AGO3: variants seen among roughly 807,000 people sequenced by gnomAD.
AGO3 encodes argonaute RISC catalytic component 3.
In AGO3, 16 loss-of-function variants were observed where a neutral mutation model predicts 105.5. That is an observed-to-expected ratio of 0.15 (90% confidence interval 0.10 to 0.23). AGO3 has a LOEUF of 0.23. Ranked by LOEUF, AGO3 falls within the 10% of genes least tolerant of loss-of-function variation. The pLI is 1.00. For missense variants in AGO3, 534 were observed against 1,088.0 expected (o/e 0.49, Z 7.16); for synonymous variants, 340 against 367.3 (o/e 0.93, Z 0.85).
chr1:35,931,646 G>A (rs533848169), intron 1 of AGO3, among the ~76,000 whole-genome samples: 183 of 152,364 alleles, frequency 1.2e-3, no homozygotes, highest in Non-Finnish European at 2.3e-3. Context: ...CGGCGAAACT[G>A]CGAGGCGGGG....
At chr1:36,049,512 A>G (rs1295795424) in intron 17 of AGO3, among the ~76,000 whole-genome samples, 2 of 151,324 alleles carry the variant, frequency 1.3e-5, no homozygotes, top group African/African-American at 4.9e-5. Context: ...GCAAGGCTCT[A>G]TCTCAAAAAA....
At chr1:35,959,596 G>A (rs943155751) in intron 2 of AGO3, among the ~76,000 whole-genome samples, 3 of 151,832 alleles carry the variant, frequency 2.0e-5, no homozygotes, top group Admixed American at 6.6e-5. Context: ...TACTACTTAC[G>A]GTAAGCTAAG....
intron 5 of AGO3, among the ~76,000 whole-genome samples, chr1:36,000,941 A>G (rs1441945343): frequency 6.6e-6 from 1 of 152,126 alleles, no homozygotes; most frequent in Non-Finnish European, 1.5e-5. Context: ...TCTTTTCCAC[A>G]GAAATACTCA....
intron 1 of AGO3, among the ~76,000 whole-genome samples, chr1:35,942,680 A>G (rs1397874210): frequency 1.3e-5 from 2 of 152,150 alleles, no homozygotes; most frequent in African/African-American, 2.4e-5. Context: ...GAGCTTCAAA[A>G]ATTTAGTGCT....
At chr1:35,971,858 G>A (rs757961974) in intron 3 of AGO3, among the ~76,000 whole-genome samples, 166 bp from the exon 4 acceptor site, 7 of 151,940 alleles carry the variant, frequency 4.6e-5, no homozygotes, top group Non-Finnish European at 8.8e-5. Context: ...ATGCTGGCAC[G>A]AGTAACTATG....
In AGO3 at chr1:36,008,547, T is replaced by A; in HGVS notation, c.794-143T>A. 1.4e-6 allele frequency: 1 copy of A among 713,894 alleles called. No individual in the cohort carries two copies. The allele number at this position is 713,894 out of a possible 1,614,324, so 44.2% of individuals were successfully genotyped here. ...ATTATTAGCAATGTTATATGTAAAA[T>A]CTGGTGTTTATATCATCTTGCCTGT... On this transcript the variant is annotated intron_variant, in intron 6 of 18. Transcript: ENST00000373191. The surrounding 1 kb of genome is among the most constrained non-coding windows in gnomAD (Gnocchi z 5.1).
At chr1:35,947,693 C>A (rs1236877752) in intron 2 of AGO3, among the ~76,000 whole-genome samples, 1 of 152,136 alleles carries the variant, frequency 6.6e-6, no homozygotes, top group African/African-American at 2.4e-5. Flanking sequence ...GTACTCTTAT[C>A]TCCTAGGATC....
intron 2 of AGO3, among the ~76,000 whole-genome samples, chr1:35,965,895 G>A (rs1435275720): frequency 1.4e-5 from 2 of 145,530 alleles, no homozygotes; most frequent in African/African-American, 5.2e-5. Context: ...GCGTGATCTC[G>A]GCTCACCACA....
At chr1:35,955,104 T>C (rs1283984420) in intron 2 of AGO3, among the ~76,000 whole-genome samples, 1 of 152,188 alleles carries the variant, frequency 6.6e-6, no homozygotes, top group Non-Finnish European at 1.5e-5. Flanking sequence ...TTATGAAGAA[T>C]CTGAAATCCG....
At chr1:36,040,223 C>A in intron 15 of AGO3, 84 bp from the exon 16 acceptor site, 1 of 1,434,438 alleles carries the variant, frequency 7.0e-7, no homozygotes. Flanking sequence ...TTAAGGAATC[C>A]TGAGATTAAA....
intron 2 of AGO3, among the ~76,000 whole-genome samples, chr1:35,951,881 T>C (rs1352485273): frequency 6.6e-6 from 1 of 152,166 alleles, no homozygotes; most frequent in East Asian, 1.9e-4. Context: ...TTGATGGATA[T>C]ATAATTTACA....
At chr1:35,992,243 CTG>C (rs1218006549) in intron 5 of AGO3, 1 of 152,214 alleles carries the variant, frequency 6.6e-6, no homozygotes, top group East Asian at 1.9e-4. Flanking sequence ...GTGCTCTCAA[CTG>C]TGTCTGGCAT....
chr1:35,984,137 A>G (rs1049826897), intron 5 of AGO3, among the ~76,000 whole-genome samples: 1 of 152,208 alleles, frequency 6.6e-6, no homozygotes, highest in Non-Finnish European at 1.5e-5. Context: ...TGAGACACCA[A>G]ATATGATGTC....
intron 1 of AGO3, among the ~76,000 whole-genome samples, chr1:35,944,479 A>G (rs1471724089): frequency 6.7e-6 from 1 of 150,156 alleles, no homozygotes; most frequent in Non-Finnish European, 1.5e-5. Flanking sequence ...TTCTGTTATT[A>G]GTTAAGCCCT....
intron 12 of AGO3, among the ~76,000 whole-genome samples, chr1:36,032,608 T>A (rs1444502675): frequency 6.6e-6 from 1 of 152,158 alleles, no homozygotes; most frequent in Non-Finnish European, 1.5e-5. Context: ...GGTCTCTAAC[T>A]CCTGGGCTCA....
chr1:36,007,287 T>C (rs1640381787), intron 6 of AGO3, among the ~76,000 whole-genome samples: 1 of 152,238 alleles, frequency 6.6e-6, no homozygotes, highest in Non-Finnish European at 1.5e-5. Flanking sequence ...ACTTTATCCC[T>C]TGGAGTCTAG....
At chr1:35,980,258 T>C (rs780592562) in intron 5 of AGO3, among the ~76,000 whole-genome samples, 7 of 152,210 alleles carry the variant, frequency 4.6e-5, no homozygotes, top group Non-Finnish European at 1.0e-4. Flanking sequence ...TATTCTGTCA[T>C]GTTGCTTAAG....
chr1:36,028,731 C>A (rs1641629879), intron 12 of AGO3, among the ~76,000 whole-genome samples: 1 of 151,964 alleles, frequency 6.6e-6, no homozygotes, highest in Non-Finnish European at 1.5e-5. Context: ...TTTATAGCAG[C>A]ATGATTTATA....
At chr1:36,020,865 C>T (rs1641183977) in intron 11 of AGO3, among the ~76,000 whole-genome samples, 1 of 151,764 alleles carries the variant, frequency 6.6e-6, no homozygotes, top group African/African-American at 2.4e-5. Context: ...GGTCTACCAA[C>T]CTTGGCCTCC....
Sources: gnomAD v4.1 joint callset for allele counts (sites outside exome capture counted in the v4.1 genomes callset) on GRCh38, gnomAD v4.1.1 for gene constraint, Gnocchi (gnomAD v3.1) non-coding constraint, MANE v1.5 for transcripts, NCBI Gene and HGNC (gene_info 2026-07-23, HGNC 2026-07-21) for gene names.